SBF2: variants seen among roughly 807,000 people sequenced by gnomAD.
SBF2 encodes myotubularin-related protein 13.
Under a neutral mutation model 225.2 loss-of-function variants are expected in SBF2, and 112 were observed. The ratio of observed to expected loss-of-function variants is 0.50; its 90% confidence interval spans 0.43 to 0.58. SBF2 has a LOEUF of 0.58. Among genes scored for constraint, SBF2 ranks in the 20% least tolerant of loss-of-function variants. The pLI is 0.00. For synonymous variants in SBF2, 763 were observed against 773.3 expected (o/e 0.99, Z 0.22); for missense variants, 1,996 against 2,206.2 (o/e 0.90, Z 1.91).
intron 2 of SBF2, among the ~76,000 whole-genome samples, chr11:10,142,846 C>T (rs1954709618): frequency 6.6e-6 from 1 of 152,180 alleles, no homozygotes; most frequent in African/African-American, 2.4e-5. Context: ...TATTCAAACT[C>T]AGAATTTATT....
intron 1 of SBF2, among the ~76,000 whole-genome samples, chr11:10,207,171 A>G (rs1199000890): frequency 6.6e-6 from 1 of 152,280 alleles, no homozygotes; most frequent in East Asian, 1.9e-4. Flanking sequence ...CATGAAGGAC[A>G]GAAGAAAGCA....
rs1851865292 is a variant in SBF2, at chr11:9,778,855, T to TTAAAG, written c.*1558_*1562dup. On this transcript the variant is annotated 3_prime_UTR_variant, in exon 40 of 40. Transcript: ENST00000256190. ...AGGCAATGTAATGCCTTCACGAAAG[T>TTAAAG]TAAAGTAATCCAGTTACAAAAGAAG... 1 of 152,622 alleles carries TTAAAG rather than the reference T, an allele frequency of 6.6e-6. No homozygotes were observed. The highest frequency in any genetic ancestry group is 1.5e-5 in the Non-Finnish European group (1 of 68,040). 9.5% of individuals were successfully genotyped at this position (152,622 alleles called of 1,614,324 possible). A position where few individuals can be genotyped will look rare whatever the true frequency, so the allele number is the denominator to read the frequency against.
At chr11:9,875,867 G>A (rs1053288132) in intron 17 of SBF2, among the ~76,000 whole-genome samples, 3 of 152,152 alleles carry the variant, frequency 2.0e-5, no homozygotes, top group Non-Finnish European at 4.4e-5. Context: ...GTGAAAGTAT[G>A]CAGGCACACA....
intron 2 of SBF2, among the ~76,000 whole-genome samples, chr11:10,090,292 C>T (rs576179692): frequency 1.4e-4 from 22 of 152,122 alleles, no homozygotes; most frequent in African/African-American, 5.1e-4. Flanking sequence ...ATACTTAATG[C>T]CACTGAACCA....
chr11:9,792,116 A>T (rs1277842671), intron 33 of SBF2, among the ~76,000 whole-genome samples: 1 of 152,190 alleles, frequency 6.6e-6, no homozygotes, highest in African/African-American at 2.4e-5. Flanking sequence ...ATTGTGTTTA[A>T]GTTTTTCTGA....
chr11:9,942,901 GAGAAAGAA>G (rs1183181431), intron 16 of SBF2, among the ~76,000 whole-genome samples: 68 of 101,312 alleles, frequency 6.7e-4, no homozygotes, highest in African/African-American at 8.1e-4. Flanking sequence ...AAGAGAGAGA[GAGAAAGAA>G]AGAAAGAAAG....
intron 1 of SBF2, among the ~76,000 whole-genome samples, chr11:10,287,925 C>A (rs553237588): frequency 4.9e-4 from 74 of 152,242 alleles, no homozygotes; most frequent in Non-Finnish European, 8.5e-4. Context: ...ATTGCCCAGT[C>A]AGACATGTCA....
intron 2 of SBF2, among the ~76,000 whole-genome samples, chr11:10,129,546 C>T (rs987753781): frequency 6.6e-6 from 1 of 152,124 alleles, no homozygotes; most frequent in Non-Finnish European, 1.5e-5. Flanking sequence ...TAATTAGATC[C>T]TCCTTTAATT....
intron 1 of SBF2, among the ~76,000 whole-genome samples, chr11:10,196,265 C>T (rs913840611): frequency 3.3e-5 from 5 of 152,276 alleles, no homozygotes; most frequent in Admixed American, 2.6e-4. Flanking sequence ...TTATTCCTCC[C>T]TTCTTTTTAA....
intron 2 of SBF2, among the ~76,000 whole-genome samples, chr11:10,068,197 T>TTACA (rs1221052706): frequency 6.6e-6 from 1 of 152,224 alleles, no homozygotes; most frequent in Admixed American, 6.5e-5. Flanking sequence ...AAATTTTACT[T>TTACA]TACATGTATT....
intron 16 of SBF2, among the ~76,000 whole-genome samples, chr11:9,901,184 A>G (rs563265952): frequency 1.5e-4 from 23 of 152,356 alleles, no homozygotes; most frequent in African/African-American, 5.5e-4. Flanking sequence ...GCAAGAAAGC[A>G]AGGAATATGC....
At chr11:9,983,566 C>T (rs1947054105) in intron 13 of SBF2, among the ~76,000 whole-genome samples, 1 of 152,202 alleles carries the variant, frequency 6.6e-6, no homozygotes, top group Non-Finnish European at 1.5e-5. Flanking sequence ...GGTCCCTCTC[C>T]ACACTACTAC....
intron 2 of SBF2, among the ~76,000 whole-genome samples, chr11:10,051,425 T>C (rs748100704): frequency 6.6e-6 from 1 of 152,130 alleles, no homozygotes; most frequent in Non-Finnish European, 1.5e-5. Context: ...CTTAAAACTT[T>C]TGGGAAATTC....
intron 1 of SBF2, among the ~76,000 whole-genome samples, chr11:10,248,008 T>C (rs972741293): frequency 6.6e-6 from 1 of 152,200 alleles, no homozygotes. Flanking sequence ...TTGGTCTAAA[T>C]TATGCAGGTC....
chr11:10,082,385 G>A (rs1266065700), intron 2 of SBF2, among the ~76,000 whole-genome samples: 1 of 152,064 alleles, frequency 6.6e-6, no homozygotes, highest in Non-Finnish European at 1.5e-5. Flanking sequence ...TATGATGCCA[G>A]TATTACCCTG....
In SBF2 at chr11:10,048,741, A is replaced by T. The variant is rs938812393; in HGVS notation, c.142-5760T>A. 2.0e-5 allele frequency among the ~76,000 whole-genome samples: 3 copies of T among 152,272 alleles called. 1 individual carries two copies. In the Middle Eastern group the frequency reaches 0.01, roughly 521 times the overall value. On this transcript the variant is annotated intron_variant, in intron 2 of 39. Transcript: ENST00000256190. ...ATTATCATACTATTAGTTAATTTAT[A>T]TTTTAAGTATTATATAGTGACATGT...
At chr11:9,970,336 A>T (rs1867248066) in intron 13 of SBF2, among the ~76,000 whole-genome samples, 1 of 151,874 alleles carries the variant, frequency 6.6e-6, no homozygotes, top group African/African-American at 2.4e-5. Context: ...TCTCCCGAGG[A>T]GCTGGGACAA....
At chr11:10,105,848 T>C (rs148506466) in intron 2 of SBF2, among the ~76,000 whole-genome samples, 3 of 152,252 alleles carry the variant, frequency 2.0e-5, no homozygotes, top group East Asian at 1.9e-4. Flanking sequence ...ATCTAATGCA[T>C]AGTGACAGAA....
intron 2 of SBF2, among the ~76,000 whole-genome samples, chr11:10,182,016 A>C (rs1956756119): frequency 6.6e-6 from 1 of 152,188 alleles, no homozygotes; most frequent in South Asian, 2.1e-4. Context: ...CATCTTATTA[A>C]ATCAACAGAT....
Sources: gnomAD v4.1 joint callset for allele counts (sites outside exome capture counted in the v4.1 genomes callset) on GRCh38, gnomAD v4.1.1 for gene constraint, MANE v1.5 for transcripts, NCBI Gene and HGNC (gene_info 2026-07-23, HGNC 2026-07-21) for gene names.